The following NPAS3 variants were observed in gnomAD, a reference collection of about 807,000 sequenced individuals.
The protein encoded by NPAS3 is neuronal PAS domain-containing protein 3.
A neutral mutation model predicts 73.1 loss-of-function variants in NPAS3; 14 were observed. The observed-to-expected ratio is 0.19, with a 90% CI of 0.13 to 0.30. The LOEUF is 0.30. NPAS3 is among the 10% of genes least tolerant of loss of function. NPAS3 has a pLI of 1.00. For synonymous variants in NPAS3, 620 were observed against 541.5 expected, an observed-to-expected ratio of 1.14 and a Z score of -2.01; for missense variants, 1,096 against 1,250.0, an observed-to-expected ratio of 0.88 and a Z score of 1.86.
intron 1 of NPAS3, among the ~76,000 whole-genome samples, chr14:32,964,935 ACTCTGGC>A (rs1362041782): frequency 3.3e-5 from 5 of 152,124 alleles, no homozygotes; most frequent in Admixed American, 2.0e-4. Context: ...ACACCACTGC[ACTCTGGC>A]CTGGGTGACA....
At chr14:33,279,253 A>G (rs1449908965) in intron 3 of NPAS3, among the ~76,000 whole-genome samples, 1 of 152,108 alleles carries the variant, frequency 6.6e-6, no homozygotes, top group African/African-American at 2.4e-5. Flanking sequence ...GCTCCTCTTT[A>G]CTTTATGTTT....
chr14:33,155,525 A>G (rs2044615012), intron 2 of NPAS3, among the ~76,000 whole-genome samples: 1 of 152,106 alleles, frequency 6.6e-6, no homozygotes, highest in African/African-American at 2.4e-5. Context: ...TGAGTAGTCA[A>G]GGTTACAGGC....
chr14:33,773,524 T>A (rs903529854), intron 7 of NPAS3, among the ~76,000 whole-genome samples: 4 of 152,240 alleles, frequency 2.6e-5, no homozygotes, highest in Admixed American at 6.5e-5. Context: ...TTGAGGAAGT[T>A]GTCGCTATGG....
intron 6 of NPAS3, among the ~76,000 whole-genome samples, chr14:33,707,643 T>C (rs1183490799): frequency 6.6e-6 from 1 of 152,076 alleles, no homozygotes; most frequent in African/African-American, 2.4e-5. Flanking sequence ...AAGAGAGAAT[T>C]CCTGCCCAAG....
chr14:33,552,317 T>C (rs2055156183), intron 4 of NPAS3, among the ~76,000 whole-genome samples: 1 of 152,218 alleles, frequency 6.6e-6, no homozygotes, highest in South Asian at 2.1e-4. Context: ...TCCTTTGTTC[T>C]CAGCTCTACC....
chr14:33,152,336 CTCTT>C, intron 2 of NPAS3, among the ~76,000 whole-genome samples: 1 of 152,090 alleles, frequency 6.6e-6, no homozygotes, highest in Non-Finnish European at 1.5e-5. Flanking sequence ...CCTCCCTTTT[CTCTT>C]TCTTCTCCTG....
In NPAS3 at chr14:33,578,193, G is replaced by GT. The variant is rs772745193; in HGVS notation, c.558+17992dup. 5.2e-4 allele frequency: 232 copies of GT among 442,858 alleles called. 1 individual carries two copies. Among genetic ancestry groups the GT allele is most frequent in the East Asian group, 7.4e-4 (10 of 13,544 alleles). The allele number at this position is 442,858 out of a possible 1,614,324, so 27.4% of individuals were successfully genotyped here. A position where few individuals can be genotyped will look rare whatever the true frequency, so the allele number is the denominator to read the frequency against. ...AGCCAGATGAACTACCAACACCTTT[G>GT]TTTTTTTTTCCCTCTTTGAGACGGA... On this transcript the variant is annotated intron_variant, in intron 5 of 11. Coordinates refer to ENST00000356141, the Ensembl canonical transcript of NPAS3.
intron 5 of NPAS3, among the ~76,000 whole-genome samples, chr14:33,579,996 T>C (rs1231597734): frequency 2.6e-5 from 4 of 152,228 alleles, no homozygotes; most frequent in African/African-American, 7.2e-5. Context: ...ATTTACATTT[T>C]TGTGTTTTAT....
At chr14:33,098,159 A>T (rs1184578568) in intron 2 of NPAS3, among the ~76,000 whole-genome samples, 1 of 152,168 alleles carries the variant, frequency 6.6e-6, no homozygotes, top group Non-Finnish European at 1.5e-5. Context: ...TGTGTATGGC[A>T]TGAGGTTGAG....
intron 3 of NPAS3, among the ~76,000 whole-genome samples, chr14:33,326,603 A>G (rs2043720043): frequency 6.6e-6 from 1 of 152,236 alleles, no homozygotes; most frequent in Non-Finnish European, 1.5e-5. Context: ...TAGAACGTGA[A>G]AATCTAACTG....
At chr14:33,794,124 C>A in intron 10 of NPAS3, 80 bp downstream of exon 10, 1 of 1,245,700 alleles carries the variant, frequency 8.0e-7, no homozygotes, top group Non-Finnish European at 1.1e-6. Context: ...TAATAGCCGA[C>A]ATGTTGTGAA....
chr14:33,109,843 G>C (rs946551154), intron 2 of NPAS3, among the ~76,000 whole-genome samples: 22 of 119,512 alleles, frequency 1.8e-4, no homozygotes, highest in Admixed American at 1.6e-3. Flanking sequence ...TTGAGACAAG[G>C]TCTCTCTCTG....
chr14:33,789,717 T>A (rs986165986), intron 9 of NPAS3, among the ~76,000 whole-genome samples: 1 of 146,930 alleles, frequency 6.8e-6, no homozygotes. Flanking sequence ...GCCTCCCAAG[T>A]AGCTGGGACT....
intron 7 of NPAS3, among the ~76,000 whole-genome samples, chr14:33,756,792 G>A (rs1299603096): frequency 6.6e-6 from 1 of 152,178 alleles, no homozygotes; most frequent in Non-Finnish European, 1.5e-5. Context: ...TGCATTCTGT[G>A]CCATCTGAAG....
chr14:33,198,523 G>A (rs527444288), intron 2 of NPAS3, among the ~76,000 whole-genome samples: 3 of 152,282 alleles, frequency 2.0e-5, no homozygotes, highest in African/African-American at 7.2e-5. Flanking sequence ...ACTGATTGGT[G>A]CGTTTGCAAA....
At chr14:33,589,235 A>AT (rs1418639554) in intron 5 of NPAS3, among the ~76,000 whole-genome samples, 1 of 152,182 alleles carries the variant, frequency 6.6e-6, no homozygotes, top group Non-Finnish European at 1.5e-5. Flanking sequence ...TCCATCTTCT[A>AT]TTAAATAGAG....
Position 33,552,306 on chromosome 14 carries a change from A to G in NPAS3, c.469-7815A>G, listed in dbSNP as rs183159917. 5.3e-4 allele frequency among the ~76,000 whole-genome samples: 80 copies of G among 152,280 alleles called. 1 individual carries two copies. The highest frequency in any genetic ancestry group is 1.8e-3 in the African/African-American group (75 of 41,556). On this transcript the variant is annotated intron_variant, in intron 4 of 11. Transcript: ENST00000356141. Reference sequence around the variant, plus strand: ...CAGTGGGAGGAAAAGCAGTCAAAGGATCCTTTGTTCTCAGCTCTACCACAT... The same window carrying G: ...CAGTGGGAGGAAAAGCAGTCAAAGGGTCCTTTGTTCTCAGCTCTACCACAT...
intron 4 of NPAS3, among the ~76,000 whole-genome samples, chr14:33,433,756 A>T (rs2048872175): frequency 6.6e-6 from 1 of 152,198 alleles, no homozygotes; most frequent in African/African-American, 2.4e-5. Context: ...TTAAGCCCTA[A>T]CTCTAGGTCA....
chr14:33,618,444 C>T (rs1352293392), intron 5 of NPAS3, among the ~76,000 whole-genome samples: 1 of 152,072 alleles, frequency 6.6e-6, no homozygotes, highest in Non-Finnish European at 1.5e-5. Context: ...ACCTAGATCC[C>T]TCCCATGCAC....
Sources: allele counts gnomAD v4.1 joint callset (sites outside exome capture counted in the v4.1 genomes callset), GRCh38; gene constraint gnomAD v4.1.1; transcripts MANE v1.5; gene names NCBI Gene and HGNC (gene_info 2026-07-23, HGNC 2026-07-21).